CFDP1: variants seen among roughly 807,000 people sequenced by gnomAD.
The protein encoded by CFDP1 is chromatin remodeling protein CFDP1.
CFDP1 carries 31 observed loss-of-function variants against 40.1 expected under a neutral mutation model. That is an observed-to-expected ratio of 0.77 (90% CI 0.58 to 1.04). The LOEUF (loss-of-function observed/expected upper bound fraction) is 1.04. Among genes scored for constraint, CFDP1 ranks in the 50% least tolerant of loss-of-function variants. The probability of loss-of-function intolerance (pLI) is 0.00; values close to 1 mark genes in which losing one functional copy is unlikely to be tolerated. For synonymous variants in CFDP1, 167 were observed against 120.0 expected, an observed-to-expected ratio of 1.39 and a Z score of -2.56; for missense variants, 423 against 343.4, an observed-to-expected ratio of 1.23 and a Z score of -1.83.
At chr16:75,363,541 G>A (rs7202997) in intron 5 of CFDP1, among the ~76,000 whole-genome samples, 10,952 of 151,858 alleles carry the variant, frequency 0.072, 418 homozygotes, top group Middle Eastern at 0.13. Context: ...GATTATAGGT[G>A]CCCGCCATCA....
chr16:75,330,962 T>TAAAAA (rs11333509), intron 5 of CFDP1, among the ~76,000 whole-genome samples: 1 of 127,692 alleles, frequency 7.8e-6, no homozygotes, highest in East Asian at 2.2e-4. Flanking sequence ...TTCCAATTAT[T>TAAAAA]AAAAAAAAAA....
intron 5 of CFDP1, among the ~76,000 whole-genome samples, chr16:75,355,899 A>C (rs2078641623): frequency 6.6e-6 from 1 of 152,202 alleles, no homozygotes; most frequent in Admixed American, 6.5e-5. Context: ...AGTCTCGGCT[A>C]TTTCTTCATA....
intron 4 of CFDP1, among the ~76,000 whole-genome samples, chr16:75,409,872 AGAAGAAGTT>A (rs2079141216): frequency 6.6e-6 from 1 of 152,220 alleles, no homozygotes; most frequent in South Asian, 2.1e-4. Context: ...ATTTTTCAGA[AGAAGAAGTT>A]AGAGAGAAAA....
At chr16:75,388,308 T>A (rs941720546) in intron 5 of CFDP1, among the ~76,000 whole-genome samples, 8 of 152,360 alleles carry the variant, frequency 5.3e-5, no homozygotes, top group Admixed American at 6.5e-5. Flanking sequence ...ATAGACATTA[T>A]TTATTCTTTA....
At chr16:75,402,984 G>C (rs912637191) in intron 4 of CFDP1, among the ~76,000 whole-genome samples, 10 of 152,094 alleles carry the variant, frequency 6.6e-5, no homozygotes, top group Admixed American at 6.6e-4. Context: ...TAAAATGTAT[G>C]TGACAGTATG....
intron 5 of CFDP1, among the ~76,000 whole-genome samples, chr16:75,372,739 A>G (rs1398604458): frequency 6.6e-6 from 1 of 152,196 alleles, no homozygotes; most frequent in Non-Finnish European, 1.5e-5. Context: ...GGCAAGATGG[A>G]GTATTAACTT....
chr16:75,386,515 A>G (rs62059843), intron 5 of CFDP1, among the ~76,000 whole-genome samples: 3 of 152,186 alleles, frequency 2.0e-5, no homozygotes, highest in Admixed American at 2.0e-4. Context: ...GCTTGAGGTC[A>G]GGAGTTTGAG....
intron 5 of CFDP1, among the ~76,000 whole-genome samples, chr16:75,358,062 C>T (rs1346448273): frequency 2.0e-5 from 3 of 152,128 alleles, no homozygotes; most frequent in Non-Finnish European, 4.4e-5. Context: ...AGTTTGTTAT[C>T]CTATGTGGGT....
At chr16:75,361,379 G>A (rs1457462674) in intron 5 of CFDP1, among the ~76,000 whole-genome samples, 5 of 152,162 alleles carry the variant, frequency 3.3e-5, no homozygotes. Context: ...CACTCTGGGA[G>A]GCCGAGGCAG....
chr16:75,390,065 C>T (rs2078934402), intron 5 of CFDP1, among the ~76,000 whole-genome samples: 1 of 152,212 alleles, frequency 6.6e-6, no homozygotes, highest in Non-Finnish European at 1.5e-5. Flanking sequence ...GTGTTATGTT[C>T]CATCAGGGCT....
rs564837536 is a variant in CFDP1, at chr16:75,305,480, A to G, written c.651-298T>C. The G allele has an allele frequency of 5.9e-4, 182 of 306,694 alleles. 1 individual carries two copies. Among genetic ancestry groups the G allele is most frequent in the African/African-American group, 3.4e-3 (164 of 47,540 alleles). The allele number at this position is 306,694 out of a possible 1,614,324, so 19.0% of individuals were successfully genotyped here. A position where few individuals can be genotyped will look rare whatever the true frequency, so the allele number is the denominator to read the frequency against. On this transcript the variant is annotated intron_variant, in intron 5 of 6. Coordinates refer to ENST00000283882, the MANE Select transcript of CFDP1 (RefSeq NM_006324.3). The stretch of plus-strand genomic sequence containing the variant: ...GGTCTCTGCTTGCAAGGAGGGGAGG[A>G]GCAGCGCTTCAGGCAGGGCTTTGGA...
intron 1 of CFDP1, among the ~76,000 whole-genome samples, chr16:75,417,264 T>C (rs1273458941): frequency 6.6e-6 from 1 of 152,174 alleles, no homozygotes; most frequent in Non-Finnish European, 1.5e-5. Flanking sequence ...TCCCAGAATA[T>C]ATAATAGTTT....
At chr16:75,394,013 C>G (rs1474611534) in intron 5 of CFDP1, among the ~76,000 whole-genome samples, 2 of 151,870 alleles carry the variant, frequency 1.3e-5, no homozygotes, top group Admixed American at 6.6e-5. Flanking sequence ...CGAGATTGCG[C>G]CACTGCACTG....
intron 4 of CFDP1, among the ~76,000 whole-genome samples, chr16:75,407,046 A>T (rs534605672): frequency 1.3e-5 from 2 of 152,096 alleles, no homozygotes; most frequent in Non-Finnish European, 2.9e-5. Context: ...CAAACAAATA[A>T]ATGAAATAAA....
Position 75,293,922 on chromosome 16 carries a change from A to G in CFDP1, c.*30T>C, listed in dbSNP as rs1313378868. 6.4e-7 allele frequency: 1 copy of G among 1,574,070 alleles called. No homozygotes were observed. Among genetic ancestry groups the G allele is most frequent in the East Asian group, 2.2e-5 (1 of 44,706 alleles). On this transcript the variant is annotated 3_prime_UTR_variant, in exon 7 of 7. Coordinates refer to ENST00000283882, the MANE Select transcript of CFDP1 (RefSeq NM_006324.3). ...ACAAAAAGCTCACATTGTAAACAGGATTAAGCTGCTCTTGATTTAGCCCGT... is the reference window on the plus strand; with the variant it reads ...ACAAAAAGCTCACATTGTAAACAGGGTTAAGCTGCTCTTGATTTAGCCCGT...
chr16:75,343,684 G>C (rs955020023), intron 5 of CFDP1, among the ~76,000 whole-genome samples: 4 of 152,220 alleles, frequency 2.6e-5, no homozygotes, highest in African/African-American at 7.2e-5. Context: ...TAGGCAGTAA[G>C]TTTCAGAACT....
chr16:75,406,228 T>C (rs1230707010), intron 4 of CFDP1, among the ~76,000 whole-genome samples: 1 of 151,474 alleles, frequency 6.6e-6, no homozygotes, highest in Non-Finnish European at 1.5e-5. Context: ...AAAAACGAAT[T>C]AGCTAGGCAT....
Position 75,294,008 on chromosome 16 carries a change from C to T in CFDP1, c.844G>A (p.Asp282Asn). Residue 282 changes from aspartate to asparagine, a missense_variant, in exon 7 of 7, where the codon GAT (aspartate) becomes AAT (asparagine). By Grantham distance (23) the Asp-to-Asn change is conservative (BLOSUM62 1). Transcript: ENST00000283882. ...CGCTCAATTTCAAACTGCCTGTGAT[C>T]CACTCGGTCAAGGAAGGCTTTCCGT... ...IERKAFLDRV[D>N]HRQFEIERDL... 6.2e-7 allele frequency: 1 copy of T among 1,614,074 alleles called. No individual in the cohort carries two copies. Among genetic ancestry groups the T allele is most frequent in the Non-Finnish European group, 8.5e-7 (1 of 1,179,976 alleles).
At chr16:75,418,058 A>T (rs1010414815) in intron 1 of CFDP1, among the ~76,000 whole-genome samples, 9 of 151,936 alleles carry the variant, frequency 5.9e-5, no homozygotes, top group Admixed American at 3.3e-4. Context: ...GTTCGAGACC[A>T]GTCTGGCCAA....
Sources: allele counts gnomAD v4.1 joint callset (sites outside exome capture counted in the v4.1 genomes callset), GRCh38; gene constraint gnomAD v4.1.1; transcripts MANE v1.5; gene names NCBI Gene and HGNC (gene_info 2026-07-23, HGNC 2026-07-21).